The following DCC variants were observed in gnomAD, a reference collection of about 807,000 sequenced individuals.
DCC encodes netrin receptor DCC.
A neutral mutation model predicts 172.5 loss-of-function variants in DCC; 58 were observed. The ratio of observed to expected loss-of-function variants is 0.34; its 90% CI spans 0.27 to 0.42. The LOEUF is 0.42. Ranked by LOEUF, DCC falls within the 10% of genes least tolerant of loss-of-function variation. The probability of loss-of-function intolerance (pLI) is 1.00; values close to 1 mark genes in which losing one functional copy is unlikely to be tolerated. For missense variants in DCC, 1,740 were observed against 1,791.0 expected (o/e 0.97, Z 0.51); for synonymous variants, 709 against 644.5 (o/e 1.10, Z -1.52).
chr18:53,430,760 G>A (rs181751295), intron 21 of DCC, among the ~76,000 whole-genome samples: 44 of 152,116 alleles, frequency 2.9e-4, no homozygotes, highest in African/African-American at 1.0e-3. Flanking sequence ...GTTACTCATA[G>A]GACATTGAGA....
chr18:52,600,872 C>G (rs932002047), intron 1 of DCC, among the ~76,000 whole-genome samples: 3 of 151,890 alleles, frequency 2.0e-5, no homozygotes, highest in Non-Finnish European at 4.4e-5. Flanking sequence ...GTAAAATATT[C>G]TTTGAGTTTC....
In DCC at chr18:53,187,539, T is replaced by G. The variant is rs534512148; in HGVS notation, c.1573+8423T>G. On this transcript the variant is annotated intron_variant, in intron 9 of 28. Transcript: ENST00000442544. ...CATATTGCCTTTTAGTATAAAATAT[T>G]TTAGTATATTTTAGAAATTATCTGA... is the stretch of plus-strand genomic sequence containing the variant. Among the ~76,000 whole-genome samples the G allele has an allele frequency of 3.9e-5, 6 of 152,298 alleles. No individual in the cohort carries two copies. The East Asian group carries it at 1.2e-3, about 29-fold the overall frequency.
rs143848250 is a variant in DCC, at chr18:53,480,167, C to A, written c.3737-6630C>A. Among the ~76,000 whole-genome samples, 560 of 152,170 alleles carry A rather than the reference C, an allele frequency of 3.7e-3. 2 individuals are homozygous for A. The highest frequency in any genetic ancestry group is 0.011 in the African/African-American group (447 of 41,502). The stretch of plus-strand genomic sequence containing the variant: ...TTGAGAAGATCTCAGCTGAAAAGGT[C>A]CAGATAGAGGAGTAAAGGTCCAGAT... On this transcript the variant is annotated intron_variant, in intron 25 of 28. Transcript: ENST00000442544.
chr18:52,532,553 TG>T (rs1457112887), intron 1 of DCC, among the ~76,000 whole-genome samples: 2 of 152,210 alleles, frequency 1.3e-5, no homozygotes, highest in East Asian at 3.8e-4. Flanking sequence ...TCTGTTTAGA[TG>T]CTGCTAATAG....
intron 2 of DCC, among the ~76,000 whole-genome samples, chr18:52,830,223 A>G (rs2145292827): frequency 6.6e-6 from 1 of 152,336 alleles, no homozygotes; most frequent in Admixed American, 6.5e-5. Flanking sequence ...GCAGCCCATG[A>G]CCGGTTTGAA....
intron 15 of DCC, among the ~76,000 whole-genome samples, chr18:53,367,185 T>C (rs2058015107): frequency 6.6e-6 from 1 of 152,204 alleles, no homozygotes; most frequent in South Asian, 2.1e-4. Context: ...TCTCTAATTA[T>C]GTATCTTCCC....
At chr18:52,802,643 CTTTTTTTTT>C (rs776080029) in intron 2 of DCC, among the ~76,000 whole-genome samples, 32 of 38,200 alleles carry the variant, frequency 8.4e-4, no homozygotes, top group African/African-American at 2.4e-3. Context: ...CACGCCAAGC[CTTTTTTTTT>C]TTTTTTTTTT....
intron 1 of DCC, among the ~76,000 whole-genome samples, chr18:52,593,879 G>A (rs1377570668): frequency 6.6e-6 from 1 of 152,168 alleles, no homozygotes; most frequent in African/African-American, 2.4e-5. Flanking sequence ...AGGTAGTAAG[G>A]CACTGATTCA....
At chr18:52,899,753 G>A (rs1257784600) in intron 2 of DCC, among the ~76,000 whole-genome samples, 1 of 151,956 alleles carries the variant, frequency 6.6e-6, no homozygotes, top group African/African-American at 2.4e-5. Context: ...ACCTTGGACT[G>A]CCAAAGTGTT....
intron 10 of DCC, among the ~76,000 whole-genome samples, chr18:53,206,197 T>C (rs1198140188): frequency 1.1e-3 from 4 of 3,782 alleles, no homozygotes; most frequent in Non-Finnish European, 1.8e-3. Context: ...TACGTATACA[T>C]ATATAATACA....
chr18:52,571,392 G>A (rs1177964799), intron 1 of DCC, among the ~76,000 whole-genome samples: 1 of 137,744 alleles, frequency 7.3e-6, no homozygotes, highest in Admixed American at 7.2e-5. Flanking sequence ...ATTGTTAATG[G>A]TCACCTGTTT....
rs544579853 is a variant in DCC, at chr18:53,307,525, T to C, written c.2053+1806T>C. On this transcript the variant is annotated intron_variant, in intron 13 of 28. Coordinates refer to ENST00000442544, the MANE Select transcript of DCC (RefSeq NM_005215.4). Reference sequence around the variant, plus strand: ...CCAAGCTCTTCCAGACATAGAGATTTGAAGCCTCAAAACTTTATCATCATT... The same window carrying C: ...CCAAGCTCTTCCAGACATAGAGATTCGAAGCCTCAAAACTTTATCATCATT... 1.0e-3 allele frequency among the ~76,000 whole-genome samples: 155 copies of C among 152,226 alleles called. 2 individuals are homozygous for C. Among genetic ancestry groups the C allele is most frequent in the Admixed American group, 4.1e-3 (62 of 15,288 alleles).
rs973037443 is a variant in DCC at position 52,813,778 on chromosome 18, G to A, written c.412+61404G>A. On this transcript the variant is annotated intron_variant, in intron 2 of 28. Transcript: ENST00000442544. ...AGCCTGAATAGAACAAAAAGGCTGAGTCAATGAAAACTCTGCCTGCCTAAC... is the reference window on the plus strand; with the variant it reads ...AGCCTGAATAGAACAAAAAGGCTGAATCAATGAAAACTCTGCCTGCCTAAC... Among the ~76,000 whole-genome samples the A allele has an allele frequency of 3.3e-5, 5 of 152,308 alleles. No individual in the cohort carries two copies. The East Asian group carries it at 7.7e-4, about 24-fold the overall frequency.
intron 2 of DCC, among the ~76,000 whole-genome samples, chr18:52,799,507 T>C (rs1161541081): frequency 6.6e-6 from 1 of 152,182 alleles, no homozygotes; most frequent in East Asian, 1.9e-4. Context: ...AAATCAAAAT[T>C]GAAAACCAGG....
At chr18:52,497,429 A>G (rs1349668114) in intron 1 of DCC, among the ~76,000 whole-genome samples, 3 of 148,784 alleles carry the variant, frequency 2.0e-5, no homozygotes, top group Middle Eastern at 3.3e-3. Context: ...ACATATACAC[A>G]TACATATAAA....
At chr18:53,467,514 TA>T (rs2045636413) in intron 24 of DCC, among the ~76,000 whole-genome samples, 1 of 152,184 alleles carries the variant, frequency 6.6e-6, no homozygotes, top group Non-Finnish European at 1.5e-5. Flanking sequence ...ACATAGCTGT[TA>T]AAAATTATAC....
In DCC at chr18:52,926,914, T is replaced by TAAAC. The variant is rs1273939875; in HGVS notation, c.985+1545_985+1546insAACA. 1.1e-3 allele frequency among the ~76,000 whole-genome samples: 14 copies of TAAAC among 12,932 alleles called. No individual in the cohort carries two copies. In the Admixed American group the frequency reaches 0.017, roughly 15 times the overall value. The allele number at this position is 12,932 out of a possible 152,430, so 8.5% of individuals were successfully genotyped here. On this transcript the variant is annotated intron_variant, in intron 5 of 28. Transcript: ENST00000442544. The stretch of plus-strand genomic sequence containing the variant: ...ACATACATATGTGTGTATATATACG[T>TAAAC]ATACATATATATGTATATATAAACG...
chr18:52,378,468 CT>C (rs1985448259), intron 1 of DCC, among the ~76,000 whole-genome samples: 3 of 152,084 alleles, frequency 2.0e-5, no homozygotes, highest in African/African-American at 7.2e-5. Flanking sequence ...ATACAGTGGA[CT>C]TTACACTTCA....
chr18:53,529,801 T>G (rs1297373656), intron 28 of DCC, among the ~76,000 whole-genome samples: 1 of 152,212 alleles, frequency 6.6e-6, no homozygotes, highest in Non-Finnish European at 1.5e-5. Flanking sequence ...TGGTAACTAG[T>G]AATTCTATTA....
Sources: gnomAD v4.1 joint callset for allele counts (sites outside exome capture counted in the v4.1 genomes callset) on GRCh38, gnomAD v4.1.1 for gene constraint, MANE v1.5 for transcripts, NCBI Gene and HGNC (gene_info 2026-07-23, HGNC 2026-07-21) for gene names.